MACF1: variants seen among roughly 807,000 people sequenced by gnomAD.
The protein encoded by MACF1 is microtubule actin crosslinking factor 1, also known as microtubule-actin cross-linking factor 1.
In MACF1, 193 loss-of-function variants were observed where a neutral mutation model predicts 854.8. That is an observed-to-expected ratio of 0.23 (90% CI 0.20 to 0.25). MACF1 has a LOEUF of 0.25. Among genes scored for constraint, MACF1 ranks in the 10% least tolerant of loss-of-function variants. The pLI is 1.00. For synonymous variants in MACF1, 3,185 were observed against 3,226.7 expected (o/e 0.99, Z 0.44); for missense variants, 7,722 against 8,929.1 (o/e 0.86, Z 5.45).
intron 1 of MACF1, among the ~76,000 whole-genome samples, chr1:39,214,984 T>A (rs1160614298): frequency 6.6e-6 from 1 of 152,184 alleles, no homozygotes; most frequent in Non-Finnish European, 1.5e-5. Context: ...GGAGGGTAAC[T>A]CAAAGACCAG....
rs373381804 is a variant in MACF1 at position 39,264,830 on chromosome 1, C to T, written c.528+6802C>T. Among the ~76,000 whole-genome samples the T allele has an allele frequency of 2.6e-4, 40 of 151,764 alleles. No homozygotes were observed. The East Asian group carries it at 3.9e-3, about 15-fold the overall frequency. On this transcript the variant is annotated intron_variant, in intron 6 of 100. Transcript: ENST00000564288. Reference sequence around the variant, plus strand: ...CTGGGACTACAGGCGCCCGCCACCGCGCCCGGCTAATTTTTTGTATTTTTT... The same window carrying T: ...CTGGGACTACAGGCGCCCGCCACCGTGCCCGGCTAATTTTTTGTATTTTTT...
Position 39,285,831 on chromosome 1 carries a change from G to C in MACF1, c.1508+73G>C. 6.5e-6 allele frequency: 10 copies of C among 1,533,516 alleles called. No individual in the cohort carries two copies. In the South Asian group the frequency reaches 1.1e-4, roughly 16 times the overall value. The allele number at this position is 1,533,516 out of a possible 1,614,324, so 95.0% of individuals were successfully genotyped here. A position where few individuals can be genotyped will look rare whatever the true frequency, so the allele number is the denominator to read the frequency against. On this transcript the variant is annotated intron_variant, in intron 14 of 100. Transcript: ENST00000564288. ...GGCTCATGGATCAAGAGTAGAGCAA[G>C]AGTCAGGCACTTAATCTTTTAACCT...
rs750797418 is a variant in MACF1, at chr1:39,442,094, TTA to T, written c.18774+44_18774+45del. The T allele has an allele frequency of 1.7e-4, 267 of 1,594,792 alleles. 1 individual carries two copies. The highest frequency in any genetic ancestry group is 2.5e-5 in the Non-Finnish European group (29 of 1,172,694). ...TGGCTTTTGAAGAAGAATTGTTTTA[TTA>T]TAGTTTTTAAAGGCTTGATTTGATG... On this transcript the variant is annotated intron_variant, in intron 75 of 100. Transcript: ENST00000564288.
intron 2 of MACF1, among the ~76,000 whole-genome samples, chr1:39,134,034 CTTTTTTTTTT>C (rs754585049): frequency 5.6e-5 from 4 of 71,634 alleles, no homozygotes; most frequent in Admixed American, 2.3e-4. Flanking sequence ...GAAGAACAGT[CTTTTTTTTTT>C]TTTTTTTTTT....
chr1:39,218,182 CAAAA>C (rs36113375), intron 1 of MACF1, among the ~76,000 whole-genome samples: 2 of 84,480 alleles, frequency 2.4e-5, no homozygotes, highest in South Asian at 5.6e-4. Flanking sequence ...GACTCCGTCT[CAAAA>C]AAAAAAAAAA....
rs745617032 is a variant in MACF1 at position 39,439,265 on chromosome 1, C to T, written c.18221-9C>T. On this transcript the variant is annotated splice_polypyrimidine_tract_variant and intron_variant, in intron 71 of 100. Coordinates refer to ENST00000564288, the MANE Select transcript of MACF1 (RefSeq NM_001394062.1). ...GTCCTATTCATATCTCTTTTTTTAACCTCCTCAGAAATCCAGGATAAATTG... is the reference window on the plus strand; with the variant it reads ...GTCCTATTCATATCTCTTTTTTTAATCTCCTCAGAAATCCAGGATAAATTG... 1.3e-6 allele frequency: 2 copies of T among 1,573,604 alleles called. No individual in the cohort carries two copies. The highest frequency in any genetic ancestry group is 2.2e-5 in the East Asian group (1 of 44,470).
intron 2 of MACF1, among the ~76,000 whole-genome samples, chr1:39,232,957 A>AT (rs1324850523): frequency 6.8e-6 from 1 of 147,612 alleles, no homozygotes. Flanking sequence ...TAATTTTTAA[A>AT]TTTTTTTGTA....
At chr1:39,268,984 A>C (rs1557554142) in intron 6 of MACF1, 1 of 1,287,140 alleles carries the variant, frequency 7.8e-7, no homozygotes, top group Non-Finnish European at 1.0e-6. Flanking sequence ...TCAGCCCCCA[A>C]CTCACGGGTA....
At chr1:39,449,696 C>CTTTTTT (rs751635614) in intron 84 of MACF1, among the ~76,000 whole-genome samples, 1 of 86,446 alleles carries the variant, frequency 1.2e-5, no homozygotes, top group Non-Finnish European at 2.4e-5. Flanking sequence ...CCGCGCCTGG[C>CTTTTTT]ATTTTTTTTT....
intron 2 of MACF1, among the ~76,000 whole-genome samples, chr1:39,179,250 C>T (rs1291957074): frequency 6.6e-6 from 1 of 152,200 alleles, no homozygotes; most frequent in Non-Finnish European, 1.5e-5. Context: ...CCCCAGACCC[C>T]GTGTTGCTCT....
In MACF1 at chr1:39,333,895, A is replaced by G. The variant is rs1178112461; in HGVS notation, c.7307A>G (p.Gln2436Arg). 6.2e-7 allele frequency: 1 copy of G among 1,614,230 alleles called. No homozygotes were observed. The highest frequency in any genetic ancestry group is 1.7e-5 in the Admixed American group (1 of 60,020). Reference sequence around the variant, plus strand: ...CTTGGCTTGGTGGACGTTGCTGACCAGCCAGAACTTATAAATCTGGAGAAA... The same window carrying G: ...CTTGGCTTGGTGGACGTTGCTGACCGGCCAGAACTTATAAATCTGGAGAAA... ...STLGLVDVAD[Q>R]PELINLEKAS... Residue 2436 changes from glutamine to arginine, a missense_variant, in exon 37 of 101, where the codon CAG becomes CGG. Around this residue, in one of 15 missense-constraint regions of MACF1, gnomAD observed 1,531 missense variants for 1,601.6 expected, o/e 0.96. Coordinates refer to ENST00000564288, the MANE Select transcript of MACF1 (RefSeq NM_001394062.1).
intron 84 of MACF1, among the ~76,000 whole-genome samples, chr1:39,450,787 A>G (rs1195727048): frequency 2.6e-5 from 4 of 151,342 alleles, no homozygotes; most frequent in African/African-American, 7.3e-5. Context: ...AATTTTTTGT[A>G]TTTTTAGTAG....
intron 2 of MACF1, among the ~76,000 whole-genome samples, chr1:39,144,887 C>T (rs1643428707): frequency 6.6e-6 from 1 of 152,176 alleles, no homozygotes; most frequent in South Asian, 2.1e-4. Context: ...AATCTGGTCA[C>T]AACCTCCTTT....
chr1:39,108,871 A>G (rs1265461528), intron 2 of MACF1, among the ~76,000 whole-genome samples: 1 of 152,258 alleles, frequency 6.6e-6, no homozygotes. Context: ...GAACATTCAC[A>G]TTTCAACATT....
chr1:39,404,028 C>T (rs762564521), intron 58 of MACF1, among the ~76,000 whole-genome samples: 8 of 152,000 alleles, frequency 5.3e-5, no homozygotes, highest in Admixed American at 1.3e-4. Context: ...ACTTGGGAAG[C>T]TGAGGCAGGA....
chr1:39,132,578 G>A (rs936558740), intron 2 of MACF1, among the ~76,000 whole-genome samples: 1 of 152,154 alleles, frequency 6.6e-6, no homozygotes, highest in African/African-American at 2.4e-5. Context: ...TGAAAACGGA[G>A]TAGTCATTTC....
At chr1:39,179,951 G>T (rs1046053224) in intron 2 of MACF1, among the ~76,000 whole-genome samples, 2 of 151,816 alleles carry the variant, frequency 1.3e-5, no homozygotes, top group Non-Finnish European at 2.9e-5. Context: ...GGAGGTGGAG[G>T]TTACAGTGAG....
rs756357502 is a variant in MACF1 at position 39,429,319 on chromosome 1, A to G, written c.16881A>G (p.Gln5627=). 10 of 1,562,976 alleles carry G rather than the reference A, an allele frequency of 6.4e-6. No homozygotes were observed. Among genetic ancestry groups the G allele is most frequent in the Non-Finnish European group, 8.8e-6 (10 of 1,134,402 alleles). The change falls in exon 64 of 101, where the codon CAA becomes CAG. Residue 5627 remains glutamine (Q), a synonymous_variant. Transcript: ENST00000564288. The part of the protein sequence containing the change: ...AIKNGQALLK[Q]TTGEEVLLIQ... ...AAAATGGTCAGGCTCTTCTAAAACA[A>G]ACCACAGGTACTTTGAAAAGTGTGT...
chr1:39,324,044 G>A, intron 33 of MACF1, 149 bp from the exon 34 acceptor site: 1 of 755,920 alleles, frequency 1.3e-6, no homozygotes, highest in Non-Finnish European at 2.1e-6. Context: ...CTGTAGGCTG[G>A]GCTAAATTAT....
Sources: gnomAD v4.1 joint callset for allele counts (sites outside exome capture counted in the v4.1 genomes callset) on GRCh38, gnomAD v4.1.1 for gene constraint, gnomAD v4.1.1 regional missense constraint, MANE v1.5 for transcripts, NCBI Gene and HGNC (gene_info 2026-07-23, HGNC 2026-07-21) for gene names.